Variants in TENM1 observed in about 807,000 individuals in gnomAD.
TENM1 encodes teneurin transmembrane protein 1, also known as teneurin-1.
A neutral mutation model predicts 174.8 loss-of-function variants in TENM1; 35 were observed. The observed-to-expected ratio is 0.20, with a 90% confidence interval of 0.15 to 0.27. The LOEUF (loss-of-function observed/expected upper bound fraction) is 0.27. Ranked by LOEUF, TENM1 falls within the 10% of genes least tolerant of loss-of-function variation. The pLI is 1.00. For synonymous variants in TENM1, 781 were observed against 798.7 expected (o/e 0.98, Z 0.37); for missense variants, 1,633 against 2,130.1 (o/e 0.77, Z 4.59).
At chrX:124,828,832 G>A (rs968432650) in intron 3 of TENM1, among the ~76,000 whole-genome samples, 4 of 112,111 alleles carry the variant, frequency 3.6e-5, no homozygotes, top group African/African-American at 1.3e-4. Flanking sequence ...ACAAAAGAAA[G>A]AAAGATGCAA....
chrX:124,747,394 G>A (rs2053947523), intron 3 of TENM1, among the ~76,000 whole-genome samples: 1 of 97,344 alleles, frequency 1.0e-5, no homozygotes, highest in South Asian at 4.7e-4. Flanking sequence ...TAATGAAGCT[G>A]TGAATATGAG....
intron 1 of TENM1, among the ~76,000 whole-genome samples, chrX:124,901,442 G>A (rs1346888871): frequency 9.0e-6 from 1 of 111,530 alleles, no homozygotes; most frequent in South Asian, 3.8e-4. Context: ...ATAGCTATCT[G>A]TATCAGTGTT....
chrX:124,707,942 T>C (rs2052950823), intron 4 of TENM1, among the ~76,000 whole-genome samples: 1 of 112,601 alleles, frequency 8.9e-6, no homozygotes, highest in African/African-American at 3.2e-5. Flanking sequence ...TCCCCCAGCC[T>C]ACCAGCATCA....
chrX:125,020,233 C>A, the TENM1 span, among the ~76,000 whole-genome samples: 4 of 111,345 alleles, frequency 3.6e-5, no homozygotes, highest in African/African-American at 1.3e-4. Flanking sequence ...CTATTTTTCT[C>A]CACAAGAATG....
chrX:124,415,920 A>G (rs1331246589), intron 25 of TENM1, among the ~76,000 whole-genome samples: 1 of 111,245 alleles, frequency 9.0e-6, no homozygotes. Context: ...TCTATATTAG[A>G]TCATTTTTAT....
At chrX:124,902,461 A>T (rs1490139717) in intron 1 of TENM1, among the ~76,000 whole-genome samples, 2 of 112,460 alleles carry the variant, frequency 1.8e-5, no homozygotes, top group East Asian at 2.8e-4. Flanking sequence ...CAACATGGCT[A>T]TTGGAAACAT....
the TENM1 span, among the ~76,000 whole-genome samples, chrX:125,163,018 T>A: frequency 5.0e-4 from 56 of 111,383 alleles, no homozygotes; most frequent in African/African-American, 1.7e-3. Context: ...CTTCCCAGAG[T>A]TACCAATGCT....
intron 3 of TENM1, among the ~76,000 whole-genome samples, chrX:124,757,339 C>T (rs1002683638): frequency 2.7e-5 from 3 of 112,581 alleles, no homozygotes; most frequent in Admixed American, 9.3e-5. Context: ...TTTTTAAGCC[C>T]ATCAGAAAAG....
chrX:124,884,252 A>G (rs930790343), intron 3 of TENM1, among the ~76,000 whole-genome samples: 9 of 110,533 alleles, frequency 8.1e-5, no homozygotes, highest in African/African-American at 2.6e-4. Flanking sequence ...TGGTGGCTGT[A>G]GGCAGAGGAT....
chrX:124,820,091 GCT>G (rs2056004247), intron 3 of TENM1, among the ~76,000 whole-genome samples: 1 of 110,939 alleles, frequency 9.0e-6, no homozygotes, highest in Admixed American at 9.6e-5. Context: ...GCCCCGCCTG[GCT>G]CTGTTCCCTT....
At chrX:124,888,419 G>T (rs999402439) in intron 3 of TENM1, among the ~76,000 whole-genome samples, 2 of 111,717 alleles carry the variant, frequency 1.8e-5, no homozygotes, top group African/African-American at 6.5e-5. Context: ...CAATGACAAC[G>T]GGAAATACAA....
chrX:125,204,092 C>G, the TENM1 span: 1 of 113,475 alleles, frequency 8.8e-6, no homozygotes, highest in Non-Finnish European at 1.9e-5. Context: ...AGGGTGCTTG[C>G]GCCCAGGGTC....
the TENM1 span, among the ~76,000 whole-genome samples, chrX:125,140,197 G>A: frequency 4.5e-5 from 5 of 111,487 alleles, no homozygotes; most frequent in East Asian, 5.6e-4. Flanking sequence ...GTGCCACATC[G>A]TAAAGGCTTT....
At chrX:124,498,923 T>C (rs144657595) in intron 19 of TENM1, among the ~76,000 whole-genome samples, 1,223 of 111,306 alleles carry the variant, frequency 0.011, 8 homozygotes, top group Middle Eastern at 0.037. Context: ...AAATAGGCTT[T>C]GAGTTTCTCG....
intron 1 of TENM1, among the ~76,000 whole-genome samples, chrX:124,937,403 T>C (rs188802986): frequency 4.5e-5 from 5 of 111,814 alleles, no homozygotes; most frequent in African/African-American, 6.5e-5. Flanking sequence ...CCTGCTCCAA[T>C]AGTGCTTATT....
At chrX:124,381,237 C>T (rs1412254772) in exon 32 of TENM1, 5 of 1,201,939 alleles carry the variant, frequency 4.2e-6, no homozygotes, top group Non-Finnish European at 4.5e-6. Flanking sequence ...GGTAGTTGGT[C>T]CAAGGAAATG....
chrX:125,187,736 C>G, the TENM1 span, among the ~76,000 whole-genome samples: 1 of 111,249 alleles, frequency 9.0e-6, no homozygotes, highest in Non-Finnish European at 1.9e-5. Flanking sequence ...CTCTGTCTCT[C>G]TCTCTCTTTC....
chrX:124,529,998 C>A lies in TENM1; in HGVS notation c.2652-15G>T. ...CACAGGCACGCCTGCAACACAAGACCAAAGGCAAACAGAAAAGCATGTTGA... is the reference window on the plus strand; with the variant it reads ...CACAGGCACGCCTGCAACACAAGACAAAAGGCAAACAGAAAAGCATGTTGA... On this transcript the variant is annotated splice_polypyrimidine_tract_variant and intron_variant, in intron 15 of 31. Coordinates refer to ENST00000422452, the Ensembl canonical transcript of TENM1. 1 of 1,201,862 alleles carries A rather than the reference C, an allele frequency of 8.3e-7. No individual in the cohort carries two copies. The highest frequency in any genetic ancestry group is 1.1e-6 in the Non-Finnish European group (1 of 892,176).
At chrX:124,399,577 A>T (rs2060376677) in intron 27 of TENM1, among the ~76,000 whole-genome samples, 1 of 112,363 alleles carries the variant, frequency 8.9e-6, no homozygotes, top group East Asian at 2.8e-4. Flanking sequence ...GATATTTAAA[A>T]TTTTTTTATA....
Sources: gnomAD v4.1 joint callset for allele counts (sites outside exome capture counted in the v4.1 genomes callset) on GRCh38, gnomAD v4.1.1 for gene constraint, MANE v1.5 for transcripts, NCBI Gene and HGNC (gene_info 2026-07-23, HGNC 2026-07-21) for gene names.